Variants in ARHGAP19 observed in about 807,000 individuals in gnomAD.
ARHGAP19 encodes the protein rho GTPase-activating protein 19.
Under a neutral mutation model 60.9 loss-of-function variants are expected in ARHGAP19, and 48 were observed. That is an observed-to-expected ratio of 0.79 (90% CI 0.62 to 1.00). The LOEUF is 1.00. Among genes scored for constraint, ARHGAP19 ranks in the 50% least tolerant of loss-of-function variants. The pLI is 0.00. For missense variants in ARHGAP19, 562 were observed against 597.2 expected (o/e 0.94, Z 0.61); for synonymous variants, 209 against 215.5 (o/e 0.97, Z 0.27).
At chr10:97,269,224 G>C (rs1842934034) in intron 1 of ARHGAP19, among the ~76,000 whole-genome samples, 2 of 152,170 alleles carry the variant, frequency 1.3e-5, no homozygotes, top group African/African-American at 4.8e-5. Context: ...ACAGTATAGT[G>C]AAAACAAGGC....
chr10:97,251,044 G>C (rs1419581828), intron 6 of ARHGAP19, among the ~76,000 whole-genome samples: 1 of 148,790 alleles, frequency 6.7e-6, no homozygotes, highest in Non-Finnish European at 1.5e-5. Context: ...CTGGGGGGCA[G>C]AGTGAGACCC....
chr10:97,266,019 C>T lies in ARHGAP19; in HGVS notation c.163G>A (p.Glu55Lys), dbSNP rs1164407409. Residue 55 changes from glutamate (E) to lysine (K), a missense_variant, in exon 2 of 12, where the codon GAG becomes AAG. By Grantham distance (56) the Glu-to-Lys change is moderately conservative (BLOSUM62 1). Transcript: ENST00000358531. ...CTGACCACCAACTCAGTGAAAATCTCAGGTTTCTCATGTCGGAGTTTCTCC... is the reference window on the plus strand; with the variant it reads ...CTGACCACCAACTCAGTGAAAATCTTAGGTTTCTCATGTCGGAGTTTCTCC... ...FVEKLRHEKP[E>K]IFTELVVSNI... 12 of 1,614,162 alleles carry T rather than the reference C, an allele frequency of 7.4e-6. No individual in the cohort carries two copies. The highest frequency in any genetic ancestry group is 1.3e-5 in the African/African-American group (1 of 75,038).
intron 1 of ARHGAP19, among the ~76,000 whole-genome samples, chr10:97,274,464 T>C (rs1208274807): frequency 2.1e-5 from 3 of 142,382 alleles, no homozygotes; most frequent in Admixed American, 7.1e-5. Flanking sequence ...GACTCCATCT[T>C]AAAAAAAAAA....
At chr10:97,278,101 G>C (rs1365636528) in intron 1 of ARHGAP19, 1 of 153,212 alleles carries the variant, frequency 6.5e-6, no homozygotes, top group African/African-American at 2.4e-5. Context: ...TACTCTGTAA[G>C]CAGACCCATT....
At chr10:97,236,888 A>C (rs1564712469) in intron 8 of ARHGAP19, among the ~76,000 whole-genome samples, 4 of 152,122 alleles carry the variant, frequency 2.6e-5, no homozygotes. Context: ...AAGCCTCTAG[A>C]AATAGATCTA....
chr10:97,289,852 TAA>T (rs11304186), intron 1 of ARHGAP19, among the ~76,000 whole-genome samples: 103 of 124,320 alleles, frequency 8.3e-4, no homozygotes, highest in Admixed American at 9.3e-4. Flanking sequence ...AGCCCTGTGT[TAA>T]AAAAAAAAAA....
Position 97,270,317 on chromosome 10 carries a change from G to A in ARHGAP19, c.57-4192C>T, listed in dbSNP as rs532154437. Among the ~76,000 whole-genome samples, 5 of 152,206 alleles carry A rather than the reference G, an allele frequency of 3.3e-5. No individual in the cohort carries two copies. In the East Asian group the frequency reaches 9.6e-4, roughly 29 times the overall value. On this transcript the variant is annotated intron_variant, in intron 1 of 11. Coordinates refer to ENST00000358531, the MANE Select transcript of ARHGAP19 (RefSeq NM_032900.6). Reference sequence around the variant, plus strand: ...CTGGTAAAACAATATCTAAGAGATGGAAATAGTTAAAAGAGAAATCAAATG... The same window carrying A: ...CTGGTAAAACAATATCTAAGAGATGAAAATAGTTAAAAGAGAAATCAAATG...
chr10:97,271,177 T>A (rs145463243), intron 1 of ARHGAP19, among the ~76,000 whole-genome samples: 36 of 152,266 alleles, frequency 2.4e-4, no homozygotes, highest in African/African-American at 6.7e-4. Context: ...CAAATGACAT[T>A]ACATACTAAA....
chr10:97,257,261 T>G (rs1257485465), intron 5 of ARHGAP19, among the ~76,000 whole-genome samples: 1 of 151,442 alleles, frequency 6.6e-6, no homozygotes, highest in African/African-American at 2.4e-5. Context: ...CTTTGTTACT[T>G]TATCTGTTTG....
chr10:97,271,884 T>C (rs1032615517), intron 1 of ARHGAP19, among the ~76,000 whole-genome samples: 5 of 151,914 alleles, frequency 3.3e-5, no homozygotes, highest in African/African-American at 1.2e-4. Context: ...TTGATGATCA[T>C]ATAATTTTTC....
rs780469045 is a variant in ARHGAP19 at position 97,266,046 on chromosome 10, C to CA, written c.135dup (p.Val46CysfsTer7). On this transcript the variant is annotated frameshift_variant, in exon 2 of 12. Coordinates refer to ENST00000358531, the MANE Select transcript of ARHGAP19 (RefSeq NM_032900.6). LOFTEE classifies it high-confidence loss of function. The stretch of plus-strand genomic sequence containing the variant: ...GGTTTCTCATGTCGGAGTTTCTCCA[C>CA]AAAAAAGTCAGGATTAAAGATAATG... The CA allele has an allele frequency of 1.9e-6, 3 of 1,614,040 alleles. No individual in the cohort carries two copies. Among genetic ancestry groups the CA allele is most frequent in the Middle Eastern group, 1.6e-4 (1 of 6,062 alleles).
intron 9 of ARHGAP19, among the ~76,000 whole-genome samples, chr10:97,231,229 A>G (rs1851010396): frequency 1.3e-5 from 2 of 152,176 alleles, no homozygotes; most frequent in South Asian, 4.1e-4. Context: ...TGTTCGTTTT[A>G]CTAGCCCTGT....
chr10:97,232,886 G>A (rs1851050958), intron 9 of ARHGAP19, among the ~76,000 whole-genome samples: 1 of 152,028 alleles, frequency 6.6e-6, no homozygotes, highest in African/African-American at 2.4e-5. Context: ...GGTGGCTCAC[G>A]CCTATAATCT....
chr10:97,285,576 T>C lies in ARHGAP19; in HGVS notation c.56+6996A>G, dbSNP rs555292455. On this transcript the variant is annotated intron_variant, in intron 1 of 11. Transcript: ENST00000358531. ...TCCCTCTGTTGCCCAGGCTGGAGTA[T>C]AGTGGCACAATCTCGGCTCACTGCA... Among the ~76,000 whole-genome samples, 27 of 148,670 alleles carry C rather than the reference T, an allele frequency of 1.8e-4. No individual in the cohort carries two copies. In the East Asian group the frequency reaches 4.4e-3, roughly 24 times the overall value.
intron 4 of ARHGAP19, among the ~76,000 whole-genome samples, chr10:97,259,845 G>GTTTTGTTTTGT (rs929962823): frequency 6.7e-5 from 10 of 149,890 alleles, no homozygotes; most frequent in African/African-American, 1.7e-4. Flanking sequence ...GTTTTGTTTT[G>GTTTTGTTTTGT]TTTTTTTTGA....
chr10:97,259,289 A>G (rs1842795833), intron 5 of ARHGAP19, 113 bp downstream of exon 5: 2 of 860,606 alleles, frequency 2.3e-6, no homozygotes, highest in Non-Finnish European at 3.8e-6. Flanking sequence ...TCCCAACCTC[A>G]TAAAGCTGAA....
At chr10:97,271,064 T>C (rs1445205148) in intron 1 of ARHGAP19, among the ~76,000 whole-genome samples, 5 of 152,010 alleles carry the variant, frequency 3.3e-5, no homozygotes, top group African/African-American at 1.2e-4. Flanking sequence ...AAAAACAATA[T>C]AGAATAAATT....
chr10:97,237,147 C>A (rs1432701364), intron 8 of ARHGAP19, among the ~76,000 whole-genome samples: 1 of 151,088 alleles, frequency 6.6e-6, no homozygotes, highest in African/African-American at 2.5e-5. Context: ...TGCCTGTAGT[C>A]CCGGCTACTC....
intron 2 of ARHGAP19, 74 bp downstream of exon 2, chr10:97,265,786 G>C: frequency 6.5e-7 from 1 of 1,539,176 alleles, no homozygotes; most frequent in Admixed American, 2.1e-5. Context: ...ACTCTTCGGT[G>C]AATGTGTAGA....
Sources: allele counts gnomAD v4.1 joint callset (sites outside exome capture counted in the v4.1 genomes callset), GRCh38; gene constraint gnomAD v4.1.1; transcripts MANE v1.5; gene names NCBI Gene and HGNC (gene_info 2026-07-23, HGNC 2026-07-21).